SAR1B: variants seen among roughly 807,000 people sequenced by gnomAD.
SAR1B encodes the protein secretion associated Ras related GTPase 1B, also known as small COPII coat GTPase SAR1B.
Under a neutral mutation model 26.8 loss-of-function variants are expected in SAR1B, and 23 were observed. The ratio of observed to expected loss-of-function variants is 0.86; its 90% CI spans 0.62 to 1.22. The LOEUF is 1.22. Among genes scored for constraint, SAR1B ranks in the 50% most tolerant of loss-of-function variants. The pLI, the probability that SAR1B is intolerant of heterozygous loss-of-function variation, is 0.00. For synonymous variants in SAR1B, 65 were observed against 80.8 expected, an observed-to-expected ratio of 0.80 and a Z score of 1.05; for missense variants, 196 against 232.8, an observed-to-expected ratio of 0.84 and a Z score of 1.03.
Position 134,628,592 on chromosome 5 carries a change from G to A in SAR1B, c.-19+4136C>T, listed in dbSNP as rs146120523. On this transcript the variant is annotated intron_variant, in intron 1 of 6. Coordinates refer to ENST00000402673, the MANE Select transcript of SAR1B (RefSeq NM_016103.4). ...GCAGTTTGGGAGGCGAAGGCAGGAG[G>A]ATCACCTGAGACCAGGAGTTAAAGA... 2.2e-4 allele frequency among the ~76,000 whole-genome samples: 34 copies of A among 152,126 alleles called. No homozygotes were observed. The East Asian group carries it at 6.2e-3, about 28-fold the overall frequency.
chr5:134,608,331 A>G, intron 6 of SAR1B, 41 bp downstream of exon 6: 1 of 1,520,256 alleles, frequency 6.6e-7, no homozygotes, highest in African/African-American at 1.4e-5. Context: ...TTTGTACTGT[A>G]GAATTAAACA....
chr5:134,615,651 T>TA (rs569579974), intron 3 of SAR1B, among the ~76,000 whole-genome samples: 1,480 of 138,244 alleles, frequency 0.011, 13 homozygotes, highest in Non-Finnish European at 0.016. Flanking sequence ...CCGTCTCTAC[T>TA]AAAAAAATAC....
chr5:134,613,770 T>G (rs1038696366), intron 3 of SAR1B: 5 of 152,176 alleles, frequency 3.3e-5, no homozygotes, highest in African/African-American at 1.2e-4. Context: ...CATAAAAAAT[T>G]GTGGCCATTA....
intron 1 of SAR1B, among the ~76,000 whole-genome samples, chr5:134,629,937 A>G (rs1765571519): frequency 6.6e-6 from 1 of 151,964 alleles, no homozygotes; most frequent in African/African-American, 2.4e-5. Context: ...TAAAACCATG[A>G]CAAATATAAA....
intron 4 of SAR1B, among the ~76,000 whole-genome samples, chr5:134,610,187 C>T (rs1765190467): frequency 6.6e-6 from 1 of 151,790 alleles, no homozygotes; most frequent in South Asian, 2.1e-4. Flanking sequence ...AATAATAAGG[C>T]CGGGTGTGGT....
intron 3 of SAR1B, among the ~76,000 whole-genome samples, chr5:134,615,608 G>A (rs1580650390): frequency 2.7e-5 from 4 of 146,298 alleles, no homozygotes; most frequent in Admixed American, 6.9e-5. Context: ...GAGGTCAGGA[G>A]ATCGAGACCA....
intron 2 of SAR1B, among the ~76,000 whole-genome samples, chr5:134,621,605 G>T (rs1001136659): frequency 2.0e-5 from 3 of 152,038 alleles, no homozygotes; most frequent in Non-Finnish European, 4.4e-5. Flanking sequence ...TATCTACAAT[G>T]CCAAAATGCT....
At chr5:134,611,460 C>T (rs1055753861) in intron 4 of SAR1B, among the ~76,000 whole-genome samples, 2 of 152,082 alleles carry the variant, frequency 1.3e-5, no homozygotes, top group Non-Finnish European at 1.5e-5. Context: ...GTGGCTCACA[C>T]CTGTAATCCC....
chr5:134,620,814 A>C, intron 3 of SAR1B, 119 bp downstream of exon 3: 1 of 1,154,112 alleles, frequency 8.7e-7, no homozygotes, highest in South Asian at 1.3e-5. Context: ...TGATCATACC[A>C]CTGCATTGCA....
chr5:134,612,676 A>ATT lies in SAR1B; in HGVS notation c.244+14_244+15insAA. On this transcript the variant is annotated intron_variant, in intron 4 of 6. Coordinates refer to ENST00000402673, the MANE Select transcript of SAR1B (RefSeq NM_016103.4). ...AAAAAAAAAAAAAAAAAAAAAAAAA[A>ATT]AAAAAGAATCTTACCTTGAACATGT... The ATT allele has an allele frequency of 9.2e-7, 1 of 1,088,984 alleles. No homozygotes were observed. The highest frequency in any genetic ancestry group is 1.3e-6 in the Non-Finnish European group (1 of 789,126). The allele number at this position is 1,088,984 out of a possible 1,614,324, so 67.5% of individuals were successfully genotyped here.
intron 1 of SAR1B, chr5:134,632,209 A>T (rs1309551229): frequency 1.3e-5 from 2 of 152,196 alleles, no homozygotes; most frequent in African/African-American, 4.8e-5. Flanking sequence ...TCTCAAAACA[A>T]CAACAAAAAT....
chr5:134,621,472 CAA>C, intron 2 of SAR1B, among the ~76,000 whole-genome samples: 1 of 81,958 alleles, frequency 1.2e-5, no homozygotes, highest in Admixed American at 1.9e-4. Flanking sequence ...GACTCTGTCT[CAA>C]AAAATAAATA....
rs560537648 is a variant in SAR1B, at chr5:134,609,930, TTTAAAA to T, written c.245-262_245-257del. Among the ~76,000 whole-genome samples the T allele has an allele frequency of 3.1e-3, 463 of 151,600 alleles. 2 individuals carry two copies. The highest frequency in any genetic ancestry group is 5.2e-3 in the Non-Finnish European group (354 of 67,968). ...ATTATCATATGTAAGGAGTAGAATA[TTTAAAA>T]TAAAAATAAAAATAAAAAAAAATAC... On this transcript the variant is annotated intron_variant, in intron 4 of 6. Transcript: ENST00000402673.
At chr5:134,620,629 G>A (rs192139204) in intron 3 of SAR1B, among the ~76,000 whole-genome samples, 3 of 152,326 alleles carry the variant, frequency 2.0e-5, no homozygotes, top group Non-Finnish European at 4.4e-5. Flanking sequence ...CGGAGGCTGA[G>A]AGAGGCTGAT....
At chr5:134,609,441 G>C in intron 5 of SAR1B, 130 bp downstream of exon 5, 1 of 739,536 alleles carries the variant, frequency 1.4e-6, no homozygotes, top group African/African-American at 1.7e-5. Context: ...CAATCACTGA[G>C]CTCAACAAAT....
rs182628103 is a variant in SAR1B at position 134,603,127 on chromosome 5, A to G, written c.*3823T>C. 1 of 152,352 alleles carries G rather than the reference A, an allele frequency of 6.6e-6. No individual in the cohort carries two copies. Among genetic ancestry groups the G allele is most frequent in the East Asian group, 1.9e-4 (1 of 5,192 alleles). 9.4% of individuals were successfully genotyped at this position (152,352 alleles called of 1,614,324 possible). A position where few individuals can be genotyped will look rare whatever the true frequency, so the allele number is the denominator to read the frequency against. ...ATATGTTTAAAATGATTTAAACAAT[A>G]TGCTCCAAATTAAATGAACAGAAGG... On this transcript the variant is annotated 3_prime_UTR_variant, in exon 7 of 7. Transcript: ENST00000402673.
rs1765131629 is a variant in SAR1B at position 134,606,607 on chromosome 5, C to T, written c.*343G>A. On this transcript the variant is annotated 3_prime_UTR_variant, in exon 7 of 7. Coordinates refer to ENST00000402673, the MANE Select transcript of SAR1B (RefSeq NM_016103.4). ...CCAGAAAAGTACATAAAAAATTTAA[C>T]ATGATGAGCTTTTAAATATGGTTTA... is the stretch of plus-strand genomic sequence containing the variant. 8.4e-6 allele frequency: 2 copies of T among 237,182 alleles called. No homozygotes were observed. Among genetic ancestry groups the T allele is most frequent in the Non-Finnish European group, 1.7e-5 (2 of 117,642 alleles). 14.7% of individuals were successfully genotyped at this position (237,182 alleles called of 1,614,324 possible). A position where few individuals can be genotyped will look rare whatever the true frequency, so the allele number is the denominator to read the frequency against.
At chr5:134,630,150 G>A (rs1354564479) in intron 1 of SAR1B, among the ~76,000 whole-genome samples, 4 of 151,860 alleles carry the variant, frequency 2.6e-5, no homozygotes, top group Admixed American at 6.6e-5. Flanking sequence ...AGCCAAGTGA[G>A]TACTTAACGA....
In SAR1B at chr5:134,603,502, T is replaced by C. The variant is rs1765076207; in HGVS notation, c.*3448A>G. The C allele has an allele frequency of 6.6e-6, 1 of 152,272 alleles. No homozygotes were observed. Among genetic ancestry groups the C allele is most frequent in the Non-Finnish European group, 1.5e-5 (1 of 68,054 alleles). 9.4% of individuals were successfully genotyped at this position (152,272 alleles called of 1,614,324 possible). On this transcript the variant is annotated 3_prime_UTR_variant, in exon 7 of 7. Transcript: ENST00000402673. ...ATGCGCTTTCCATCACTATAAAGTA[T>C]GGGCCAGTTGAAAATTGGCCGGGCA...
Sources: gnomAD v4.1 joint callset for allele counts (sites outside exome capture counted in the v4.1 genomes callset) on GRCh38, gnomAD v4.1.1 for gene constraint, MANE v1.5 for transcripts, NCBI Gene and HGNC (gene_info 2026-07-23, HGNC 2026-07-21) for gene names.